GEMIN5: variants seen among roughly 807,000 people sequenced by gnomAD.
GEMIN5 encodes gem-associated protein 5.
GEMIN5 carries 124 observed loss-of-function variants against 176.9 expected under a neutral mutation model. The ratio of observed to expected loss-of-function variants is 0.70; its 90% CI spans 0.61 to 0.81. The LOEUF (loss-of-function observed/expected upper bound fraction) is 0.81. Among genes scored for constraint, GEMIN5 ranks in the 40% least tolerant of loss-of-function variants. GEMIN5 has a pLI of 0.00. For missense variants in GEMIN5, 1,843 were observed against 1,814.6 expected (o/e 1.02, Z -0.28); for synonymous variants, 673 against 665.2 (o/e 1.01, Z -0.18).
intron 9 of GEMIN5, among the ~76,000 whole-genome samples, chr5:154,922,191 G>A (rs1333397755): frequency 6.6e-6 from 1 of 151,850 alleles, no homozygotes; most frequent in African/African-American, 2.4e-5. Flanking sequence ...TTTTAGAGAC[G>A]GAGTCTCGCT....
At chr5:154,900,815 A>C (rs1296050263) in intron 21 of GEMIN5, among the ~76,000 whole-genome samples, 1 of 152,208 alleles carries the variant, frequency 6.6e-6, no homozygotes, top group Non-Finnish European at 1.5e-5. Context: ...CTTACTCAGG[A>C]CTTGGAGACA....
In GEMIN5 at chr5:154,923,132, C is replaced by A. The variant is rs1203761489; in HGVS notation, c.1379+1337G>T. Among the ~76,000 whole-genome samples the A allele has an allele frequency of 2.0e-5, 3 of 151,924 alleles. No homozygotes were observed. The East Asian group carries it at 5.8e-4, about 29-fold the overall frequency. On this transcript the variant is annotated intron_variant, in intron 9 of 27. Transcript: ENST00000285873. ...CGGTAGCTAACATCTGTAATCCCAG[C>A]ACTTTGGGAGGCTGAGGGTGGATCA...
chr5:154,889,502 G>C (rs1489917436), intron 26 of GEMIN5, 85 bp from the exon 27 acceptor site: 24 of 704,650 alleles, frequency 3.4e-5, no homozygotes, highest in East Asian at 1.1e-4. Context: ...GTGGTAAAAT[G>C]TATATAACAT....
At position 154,896,353 on chromosome 5, in the gene GEMIN5, G is replaced by A. The variant is rs371496200; in HGVS notation, c.3346-10C>T. ...ACACCAATCTCTGACCCTGGAACAC[G>A]ACAACAAGGAAGAGGAACTGTTATA... On this transcript the variant is annotated splice_polypyrimidine_tract_variant and intron_variant, in intron 23 of 27. Coordinates refer to ENST00000285873, the MANE Select transcript of GEMIN5 (RefSeq NM_015465.5). 52 of 1,553,698 alleles carry A rather than the reference G, an allele frequency of 3.3e-5. No individual in the cohort carries two copies. Among genetic ancestry groups the A allele is most frequent in the Non-Finnish European group, 4.0e-5 (46 of 1,154,024 alleles).
chr5:154,918,802 G>C (rs1763862417), intron 11 of GEMIN5, among the ~76,000 whole-genome samples: 1 of 152,138 alleles, frequency 6.6e-6, no homozygotes, highest in South Asian at 2.1e-4. Flanking sequence ...AGTACTTTGG[G>C]AGGCCAAGTG....
chr5:154,908,703 T>TC (rs1396736749), intron 15 of GEMIN5, among the ~76,000 whole-genome samples: 1 of 152,214 alleles, frequency 6.6e-6, no homozygotes, highest in Non-Finnish European at 1.5e-5. Flanking sequence ...AGGGTATGCA[T>TC]CTTTAGCTGG....
chr5:154,900,057 C>T (rs1763433089), intron 21 of GEMIN5, among the ~76,000 whole-genome samples: 1 of 152,118 alleles, frequency 6.6e-6, no homozygotes. Context: ...GTATTTGTTA[C>T]TAATGATAAA....
intron 13 of GEMIN5, among the ~76,000 whole-genome samples, chr5:154,913,798 C>T (rs954956219): frequency 1.3e-5 from 2 of 151,878 alleles, no homozygotes; most frequent in Non-Finnish European, 2.9e-5. Context: ...GCCTGGGTGA[C>T]AGAGTGAGAC....
chr5:154,929,882 T>G (rs1259327536), intron 5 of GEMIN5, among the ~76,000 whole-genome samples: 1 of 152,224 alleles, frequency 6.6e-6, no homozygotes, highest in Non-Finnish European at 1.5e-5. Context: ...TCAAATAAAG[T>G]AGAAAGTACA....
At chr5:154,929,448 G>GC (rs1012938833) in intron 5 of GEMIN5, among the ~76,000 whole-genome samples, 2 of 152,322 alleles carry the variant, frequency 1.3e-5, no homozygotes, top group African/African-American at 4.8e-5. Context: ...CACCCGACAT[G>GC]CTTCTAATCA....
At chr5:154,932,696 G>T (rs1402366105) in intron 3 of GEMIN5, among the ~76,000 whole-genome samples, 3 of 152,174 alleles carry the variant, frequency 2.0e-5, no homozygotes, top group African/African-American at 7.2e-5. Context: ...GGACTGAGTA[G>T]CTGGGACTAA....
At chr5:154,921,688 A>C (rs1763925291) in intron 9 of GEMIN5, among the ~76,000 whole-genome samples, 2 of 152,242 alleles carry the variant, frequency 1.3e-5, no homozygotes, top group African/African-American at 2.4e-5. Context: ...TTTACCCCCC[A>C]AAAAATGTTA....
At chr5:154,903,408 A>T (rs1763503966) in intron 18 of GEMIN5, among the ~76,000 whole-genome samples, 1 of 152,202 alleles carries the variant, frequency 6.6e-6, no homozygotes, top group Non-Finnish European at 1.5e-5. Flanking sequence ...CAAGCAAAAC[A>T]ATATTAATAA....
chr5:154,899,548 C>A (rs967021797), intron 21 of GEMIN5, among the ~76,000 whole-genome samples: 7 of 151,894 alleles, frequency 4.6e-5, no homozygotes, highest in African/African-American at 1.7e-4. Flanking sequence ...TCCTCAAGAA[C>A]CTTTCAGAGG....
In GEMIN5 at chr5:154,937,020, G is replaced by A; in HGVS notation, c.327+5C>T. The A allele has an allele frequency of 1.9e-6, 3 of 1,608,046 alleles. No homozygotes were observed. Among genetic ancestry groups the A allele is most frequent in the Non-Finnish European group, 1.7e-6 (2 of 1,175,920 alleles). On this transcript the variant is annotated splice_donor_5th_base_variant and intron_variant, in intron 2 of 27. Coordinates refer to ENST00000285873, the MANE Select transcript of GEMIN5 (RefSeq NM_015465.5). ...ACGGTTTGAGAAACCAGTAAGCCAT[G>A]GTACCTGATGGAGTGCATGTTCTGT... is the stretch of plus-strand genomic sequence containing the variant.
intron 9 of GEMIN5, among the ~76,000 whole-genome samples, chr5:154,922,593 C>T (rs1022926885): frequency 2.6e-5 from 4 of 152,044 alleles, no homozygotes; most frequent in African/African-American, 9.7e-5. Flanking sequence ...CTTATAATAA[C>T]CAGGATATAA....
intron 17 of GEMIN5, among the ~76,000 whole-genome samples, chr5:154,904,946 A>G (rs1442342592): frequency 6.6e-6 from 1 of 152,170 alleles, no homozygotes; most frequent in African/African-American, 2.4e-5. Context: ...TAATCCCAGC[A>G]CTTTGGGAGG....
rs192527121 is a variant in GEMIN5 at position 154,929,006 on chromosome 5, G to A, written c.782-347C>T. 7.6e-3 allele frequency among the ~76,000 whole-genome samples: 1,152 copies of A among 151,686 alleles called. 7 individuals carry two copies. Among genetic ancestry groups the A allele is most frequent in the Non-Finnish European group, 8.9e-3 (603 of 67,912 alleles). On this transcript the variant is annotated intron_variant, in intron 5 of 27. Transcript: ENST00000285873. ...TGAGAGGCCGAGGCGGGAGGATCAC[G>A]AGGTCAGGAGATCGAGACCATCCTG...
intron 7 of GEMIN5, 66 bp downstream of exon 7, chr5:154,927,319 C>G: frequency 9.8e-7 from 1 of 1,021,192 alleles, no homozygotes; most frequent in Non-Finnish European, 1.5e-6. Context: ...TTTGAAAAAG[C>G]CCTCTCATCC....
Sources: allele counts gnomAD v4.1 joint callset (sites outside exome capture counted in the v4.1 genomes callset), GRCh38; gene constraint gnomAD v4.1.1; transcripts MANE v1.5; gene names NCBI Gene and HGNC (gene_info 2026-07-23, HGNC 2026-07-21).